STK3: variants seen among roughly 807,000 people sequenced by gnomAD.
The protein encoded by STK3 is serine/threonine-protein kinase 3.
Under a neutral mutation model 58.0 loss-of-function variants are expected in STK3, and 41 were observed. The ratio of observed to expected loss-of-function variants is 0.71; its 90% CI spans 0.55 to 0.92. The LOEUF (loss-of-function observed/expected upper bound fraction) is 0.92, where lower values mean the gene tolerates loss of function less well. Ranked by LOEUF, STK3 falls within the 40% of genes least tolerant of loss-of-function variation. The pLI, the probability that STK3 is intolerant of heterozygous loss-of-function variation, is 0.00. For missense variants in STK3, 479 were observed against 602.7 expected, an observed-to-expected ratio of 0.79 and a Z score of 2.15; for synonymous variants, 170 against 191.0, an observed-to-expected ratio of 0.89 and a Z score of 0.91.
At chr8:98,756,591 G>C (rs1395424101) in intron 3 of STK3, among the ~76,000 whole-genome samples, 1 of 152,194 alleles carries the variant, frequency 6.6e-6, no homozygotes, top group Non-Finnish European at 1.5e-5. Flanking sequence ...TTGTAGGGAA[G>C]CAAATGTGAA....
chr8:98,410,968 T>A (rs1486540323), intron 3 of STK3, among the ~76,000 whole-genome samples: 1 of 152,222 alleles, frequency 6.6e-6, no homozygotes, highest in Non-Finnish European at 1.5e-5. Context: ...CATGTCCTTA[T>A]TGCAATGAAT....
intron 1 of STK3, among the ~76,000 whole-genome samples, chr8:98,917,623 C>G (rs570608165): frequency 6.6e-6 from 1 of 152,132 alleles, no homozygotes; most frequent in East Asian, 1.9e-4. Flanking sequence ...CATCAGACAC[C>G]GGATCTGGCA....
chr8:98,703,398 CA>C (rs201578845), intron 6 of STK3, among the ~76,000 whole-genome samples: 2 of 151,068 alleles, frequency 1.3e-5, no homozygotes, highest in Admixed American at 6.6e-5. Context: ...TACTACAGTA[CA>C]AAAAAAAATG....
At chr8:98,614,880 G>C (rs894192612) in intron 6 of STK3, among the ~76,000 whole-genome samples, 4 of 152,194 alleles carry the variant, frequency 2.6e-5, no homozygotes, top group East Asian at 1.9e-4. Flanking sequence ...AGCTAGGCTG[G>C]GGGAGGGGAG....
At chr8:98,585,450 T>A (rs1299490507) in intron 7 of STK3, among the ~76,000 whole-genome samples, 1 of 151,334 alleles carries the variant, frequency 6.6e-6, no homozygotes, top group Admixed American at 6.6e-5. Context: ...GTTCCATTGA[T>A]CTATATCTCT....
intron 1 of STK3, among the ~76,000 whole-genome samples, chr8:98,886,489 G>A (rs1837995367): frequency 6.6e-6 from 1 of 152,206 alleles, no homozygotes; most frequent in African/African-American, 2.4e-5. Context: ...GATGAGTTAG[G>A]CCAATTATTT....
chr8:98,854,491 T>A (rs998860399), intron 3 of STK3, among the ~76,000 whole-genome samples: 1 of 151,958 alleles, frequency 6.6e-6, no homozygotes, highest in African/African-American at 2.4e-5. Context: ...TCCTTAGAAA[T>A]CCACTAAAAA....
chr8:98,376,208 T>C (rs1181822155), intron 2 of STK3, among the ~76,000 whole-genome samples: 1 of 152,246 alleles, frequency 6.6e-6, no homozygotes, highest in Non-Finnish European at 1.5e-5. Flanking sequence ...GTATTTGTCA[T>C]TTTTATTTCC....
Position 98,418,407 on chromosome 8 carries a change from C to T in STK3, n.483+15720G>A, listed in dbSNP as rs1306367661. ...TCAGAAAACCCAGAGCCAACTCAGG[C>T]CCTGGAAGTAACCATGGAAACAGGA... is the stretch of plus-strand genomic sequence containing the variant. On this transcript the variant is annotated intron_variant and non_coding_transcript_variant, in intron 3 of 3. Coordinates refer to the STK3 transcript ENST00000517832. 2.0e-5 allele frequency among the ~76,000 whole-genome samples: 3 copies of T among 152,308 alleles called. No individual in the cohort carries two copies. In the East Asian group the frequency reaches 5.8e-4, roughly 29 times the overall value.
At chr8:98,349,245 A>G in the STK3 span, among the ~76,000 whole-genome samples, 1 of 152,192 alleles carries the variant, frequency 6.6e-6, no homozygotes, top group Non-Finnish European at 1.5e-5. Context: ...AGGGGTTGGG[A>G]GAGGGAGAGA....
the STK3 span, among the ~76,000 whole-genome samples, chr8:98,356,468 A>T: frequency 6.6e-6 from 1 of 152,156 alleles, no homozygotes; most frequent in Non-Finnish European, 1.5e-5. Flanking sequence ...GCTTAGCTCT[A>T]AACTACCAGG....
At chr8:98,812,310 G>T (rs1834280132) in intron 1 of STK3, among the ~76,000 whole-genome samples, 1 of 152,180 alleles carries the variant, frequency 6.6e-6, no homozygotes, top group South Asian at 2.1e-4. Context: ...CTGGCCATCA[G>T]AGAAATGCAA....
At chr8:98,799,823 T>G (rs900077303) in intron 1 of STK3, among the ~76,000 whole-genome samples, 2 of 152,180 alleles carry the variant, frequency 1.3e-5, no homozygotes, top group African/African-American at 4.8e-5. Context: ...TCAGACAGTT[T>G]TCAAGAAATA....
At chr8:98,422,232 A>G (rs1818182345) in intron 3 of STK3, among the ~76,000 whole-genome samples, 2 of 152,164 alleles carry the variant, frequency 1.3e-5, no homozygotes, top group Non-Finnish European at 2.9e-5. Context: ...TCCTGAGAAA[A>G]CACTTCATGA....
intron 1 of STK3, among the ~76,000 whole-genome samples, chr8:98,790,180 C>T (rs951998957): frequency 3.3e-5 from 5 of 152,072 alleles, no homozygotes; most frequent in African/African-American, 1.2e-4. Context: ...TTCTATGAAG[C>T]CAGTATCACC....
intron 1 of STK3, among the ~76,000 whole-genome samples, chr8:98,905,945 G>C (rs1838882186): frequency 6.6e-6 from 1 of 152,150 alleles, no homozygotes; most frequent in African/African-American, 2.4e-5. Flanking sequence ...TTACAGCTCA[G>C]CTTTTGCCTT....
intron 3 of STK3, among the ~76,000 whole-genome samples, chr8:98,411,944 C>T (rs1393322665): frequency 6.6e-6 from 1 of 152,178 alleles, no homozygotes; most frequent in African/African-American, 2.4e-5. Flanking sequence ...GCAGAAGCTG[C>T]CATTTTGCCT....
At chr8:98,394,782 A>G (rs1817882856) in intron 3 of STK3, among the ~76,000 whole-genome samples, 1 of 152,222 alleles carries the variant, frequency 6.6e-6, no homozygotes, top group Admixed American at 6.5e-5. Flanking sequence ...GTGGCAAAGA[A>G]AGAAGTCTGG....
At chr8:98,651,007 G>A (rs1820870343) in intron 6 of STK3, among the ~76,000 whole-genome samples, 2 of 152,250 alleles carry the variant, frequency 1.3e-5, no homozygotes, top group African/African-American at 4.8e-5. Flanking sequence ...CCAGCACGCA[G>A]CTGGAGATCT....
Sources: gnomAD v4.1 joint callset for allele counts (sites outside exome capture counted in the v4.1 genomes callset) on GRCh38, gnomAD v4.1.1 for gene constraint, MANE v1.5 for transcripts, NCBI Gene and HGNC (gene_info 2026-07-23, HGNC 2026-07-21) for gene names.